Variants in GPC3 observed in about 807,000 individuals in gnomAD.
GPC3 encodes the protein glypican-3.
In GPC3, 3 loss-of-function variants were observed where a neutral mutation model predicts 34.4. That is an observed-to-expected ratio of 0.09 (90% confidence interval 0.04 to 0.23). GPC3 has a LOEUF of 0.23. Among genes scored for constraint, GPC3 ranks in the 10% least tolerant of loss-of-function variants. The pLI is 1.00. For synonymous variants in GPC3, 177 were observed against 174.0 expected (o/e 1.02, Z -0.13); for missense variants, 351 against 445.6 (o/e 0.79, Z 1.91).
chrX:133,771,597 A>C (rs1007704324), intron 2 of GPC3, among the ~76,000 whole-genome samples: 2 of 112,276 alleles, frequency 1.8e-5, no homozygotes, highest in African/African-American at 6.5e-5. Flanking sequence ...TAAGGAAAGA[A>C]AGATGAGGCC....
chrX:133,831,855 A>G (rs1288107062), intron 2 of GPC3, among the ~76,000 whole-genome samples: 1 of 113,106 alleles, frequency 8.8e-6, no homozygotes, highest in Non-Finnish European at 1.9e-5. Context: ...CAACATCACT[A>G]GCCATTAGGG....
At chrX:133,875,442 C>T (rs2076012207) in intron 2 of GPC3, among the ~76,000 whole-genome samples, 1 of 111,485 alleles carries the variant, frequency 9.0e-6, no homozygotes, top group Non-Finnish European at 1.9e-5. Context: ...AGTATTGTAT[C>T]CCCCGCCTGC....
At chrX:133,687,706 G>A (rs1287347455) in intron 5 of GPC3, among the ~76,000 whole-genome samples, 4 of 111,504 alleles carry the variant, frequency 3.6e-5, no homozygotes, top group Middle Eastern at 4.6e-3. Context: ...GATTACAGGC[G>A]TGAGCCACCA....
intron 2 of GPC3, among the ~76,000 whole-genome samples, chrX:133,840,844 C>T (rs916797545): frequency 9.0e-6 from 1 of 110,759 alleles, no homozygotes; most frequent in African/African-American, 3.3e-5. Flanking sequence ...GCTTTGTTTC[C>T]ATCCTGATAA....
intron 2 of GPC3, among the ~76,000 whole-genome samples, chrX:133,858,778 C>A (rs996578921): frequency 8.9e-6 from 1 of 111,777 alleles, no homozygotes; most frequent in Non-Finnish European, 1.9e-5. Flanking sequence ...CCTATGAATA[C>A]TTCTTAGAAA....
At chrX:133,941,272 C>T (rs1224996410) in intron 2 of GPC3, among the ~76,000 whole-genome samples, 1 of 112,664 alleles carries the variant, frequency 8.9e-6, no homozygotes, top group East Asian at 2.8e-4. Flanking sequence ...AGAATCCACA[C>T]TCCAGGCAGA....
chrX:133,876,083 G>T, intron 2 of GPC3, among the ~76,000 whole-genome samples: 1 of 111,912 alleles, frequency 8.9e-6, no homozygotes, highest in African/African-American at 3.2e-5. Context: ...CCCAAAGGTT[G>T]TTCAATCAAC....
intron 3 of GPC3, among the ~76,000 whole-genome samples, chrX:133,746,635 C>T (rs1296044860): frequency 8.9e-6 from 1 of 112,392 alleles, no homozygotes; most frequent in Non-Finnish European, 1.9e-5. Context: ...TGATGGCAAC[C>T]TGTAAACAGT....
intron 7 of GPC3, among the ~76,000 whole-genome samples, chrX:133,594,093 T>A (rs1337879984): frequency 9.3e-6 from 1 of 107,553 alleles, no homozygotes; most frequent in African/African-American, 3.6e-5. Context: ...CCAAACTCCA[T>A]CTCAAAAAAA....
chrX:133,564,275 C>T (rs1172019338), intron 7 of GPC3, among the ~76,000 whole-genome samples: 1 of 111,522 alleles, frequency 9.0e-6, no homozygotes, highest in Admixed American at 9.5e-5. Flanking sequence ...TCCATATCCT[C>T]AGAAGAGATT....
At chrX:133,573,341 T>C (rs1189038141) in intron 7 of GPC3, among the ~76,000 whole-genome samples, 1 of 111,883 alleles carries the variant, frequency 8.9e-6, no homozygotes, top group Non-Finnish European at 1.9e-5. Context: ...CCCTTTAAGA[T>C]CATGAGCAAG....
intron 2 of GPC3, among the ~76,000 whole-genome samples, chrX:133,865,729 A>G (rs1429170402): frequency 2.7e-5 from 3 of 112,326 alleles, no homozygotes; most frequent in Non-Finnish European, 5.6e-5. Context: ...TGAAGCCCAC[A>G]TCCAATTAAT....
chrX:133,869,984 C>T (rs1262448271), intron 2 of GPC3, among the ~76,000 whole-genome samples: 6 of 111,498 alleles, frequency 5.4e-5, no homozygotes, highest in African/African-American at 2.0e-4. Context: ...TAAAAGAGTA[C>T]CGGGCAACTA....
intron 3 of GPC3, among the ~76,000 whole-genome samples, chrX:133,705,042 T>C (rs2071201898): frequency 1.8e-5 from 2 of 111,553 alleles, no homozygotes; most frequent in Admixed American, 9.5e-5. Context: ...AAAGAGAGCC[T>C]GTATCAAAAG....
intron 2 of GPC3, among the ~76,000 whole-genome samples, chrX:133,867,322 G>T (rs1394701770): frequency 9.0e-6 from 1 of 111,631 alleles, no homozygotes; most frequent in Non-Finnish European, 1.9e-5. Context: ...ACTAGACATT[G>T]AATTATTGGG....
intron 2 of GPC3, among the ~76,000 whole-genome samples, chrX:133,923,720 G>A (rs953046280): frequency 8.9e-6 from 1 of 112,410 alleles, no homozygotes; most frequent in Non-Finnish European, 1.9e-5. Context: ...CCCTAGGCTC[G>A]GCAGTGGCCC....
chrX:133,921,322 G>A (rs1016105173), intron 2 of GPC3, among the ~76,000 whole-genome samples: 1 of 111,169 alleles, frequency 9.0e-6, no homozygotes, highest in Non-Finnish European at 1.9e-5. Flanking sequence ...AGGCAGCACC[G>A]GTAGCCACTC....
At chrX:133,641,215 C>A in intron 6 of GPC3, among the ~76,000 whole-genome samples, 1 of 110,834 alleles carries the variant, frequency 9.0e-6, no homozygotes, top group South Asian at 3.8e-4. Flanking sequence ...GTGGCTCACG[C>A]CTGTAATCTC....
chrX:133,958,785 T>C (rs1488348355), intron 1 of GPC3, among the ~76,000 whole-genome samples: 22 of 99,040 alleles, frequency 2.2e-4, no homozygotes, highest in South Asian at 5.0e-4. Context: ...ACTCCGGAGG[T>C]TGAGGCACGA....
Sources: allele counts gnomAD v4.1 joint callset (sites outside exome capture counted in the v4.1 genomes callset), GRCh38; gene constraint gnomAD v4.1.1; transcripts MANE v1.5; gene names NCBI Gene and HGNC (gene_info 2026-07-23, HGNC 2026-07-21).